The following CENPC variants were observed in gnomAD, a reference collection of about 807,000 sequenced individuals.
CENPC encodes the protein centromere protein C.
A neutral mutation model predicts 112.1 loss-of-function variants in CENPC; 63 were observed. The observed-to-expected ratio is 0.56, with a 90% CI of 0.46 to 0.69. The LOEUF is 0.69. Among genes scored for constraint, CENPC ranks in the 30% least tolerant of loss-of-function variants. The pLI, the probability that CENPC is intolerant of heterozygous loss-of-function variation, is 0.00. For missense variants in CENPC, 1,000 were observed against 1,103.8 expected (o/e 0.91, Z 1.33); for synonymous variants, 333 against 367.6 (o/e 0.91, Z 1.08).
intron 5 of CENPC, among the ~76,000 whole-genome samples, chr4:67,528,139 C>T (rs1183375962): frequency 1.3e-5 from 2 of 151,658 alleles, no homozygotes; most frequent in Non-Finnish European, 2.9e-5. Flanking sequence ...TTTTAAAAAC[C>T]TTGGTAAGTG....
intron 12 of CENPC, among the ~76,000 whole-genome samples, chr4:67,498,983 C>G (rs1027686014): frequency 6.6e-6 from 1 of 152,306 alleles, no homozygotes; most frequent in South Asian, 2.1e-4. Context: ...CAAATTATTC[C>G]TTGATCCATG....
At chr4:67,540,949 C>T in intron 3 of CENPC, 31 bp downstream of exon 3, 1 of 1,456,878 alleles carries the variant, frequency 6.9e-7, no homozygotes, top group Non-Finnish European at 9.5e-7. Flanking sequence ...TCCATCTAAC[C>T]CTTAAATTCC....
chr4:67,538,047 T>C (rs918250515), intron 4 of CENPC, among the ~76,000 whole-genome samples: 5 of 152,132 alleles, frequency 3.3e-5, no homozygotes, highest in Admixed American at 6.5e-5. Context: ...AAAACTCCTA[T>C]GAATTCCATC....
At chr4:67,496,516 A>G (rs724199) in intron 12 of CENPC, among the ~76,000 whole-genome samples, 96,068 of 152,034 alleles carry the variant, frequency 0.63, 30,612 homozygotes, top group East Asian at 0.81. Flanking sequence ...CCTAAAAAGC[A>G]GGTCTGAGCT....
At chr4:67,535,131 G>A (rs2109830466) in intron 4 of CENPC, among the ~76,000 whole-genome samples, 1 of 152,126 alleles carries the variant, frequency 6.6e-6, no homozygotes, top group East Asian at 1.9e-4. Context: ...GACTAAAAGG[G>A]AGGCTTGATA....
chr4:67,472,807 C>G, intron 18 of CENPC, 132 bp from the exon 19 acceptor site: 1 of 1,072,572 alleles, frequency 9.3e-7, no homozygotes, highest in Middle Eastern at 2.8e-4. Context: ...CCTAAAGTAA[C>G]TTATTTAATT....
At chr4:67,508,458 G>A (rs188772861) in intron 10 of CENPC, among the ~76,000 whole-genome samples, 15 of 138,414 alleles carry the variant, frequency 1.1e-4, no homozygotes, top group Admixed American at 5.7e-4. Context: ...GTTACAGTGG[G>A]CTATGATCAC....
rs777200134 is a variant in CENPC at position 67,514,454 on chromosome 4, G to C, written c.1064C>G (p.Pro355Arg). Reference protein sequence around the residue: ...KSREKHHNILPKTLANDKHSH... With the variant: ...KSREKHHNILRKTLANDKHSH... The stretch of plus-strand genomic sequence containing the variant: ...ATGTTTGTCATTTGCCAAAGTCTTA[G>C]GTAATATATTATGATGCTTTTCTCT... Residue 355 changes from proline (P) to arginine (R), a missense_variant, in exon 8 of 19, where the codon CCT becomes CGT. By Grantham distance (103) the Pro-to-Arg change is moderately radical (BLOSUM62 -2). Transcript: ENST00000273853. 1 of 1,613,568 alleles carries C rather than the reference G, an allele frequency of 6.2e-7. No individual in the cohort carries two copies. The highest frequency in any genetic ancestry group is 1.1e-5 in the South Asian group (1 of 91,062).
intron 17 of CENPC, among the ~76,000 whole-genome samples, chr4:67,486,544 G>A (rs186873782): frequency 1.1e-4 from 17 of 152,216 alleles, no homozygotes; most frequent in African/African-American, 3.1e-4. Flanking sequence ...CAATATTAGC[G>A]GTTCTCAATC....
intron 12 of CENPC, among the ~76,000 whole-genome samples, chr4:67,497,191 A>G (rs1422648327): frequency 6.6e-6 from 1 of 152,000 alleles, no homozygotes; most frequent in African/African-American, 2.4e-5. Context: ...CAGCCTTACC[A>G]ACATGGTGAA....
At chr4:67,482,921 CCCA>C (rs1724992695) in intron 17 of CENPC, among the ~76,000 whole-genome samples, 1 of 150,708 alleles carries the variant, frequency 6.6e-6, no homozygotes, top group African/African-American at 2.4e-5. Flanking sequence ...TGCCATAATC[CCCA>C]CATGTCATGG....
At chr4:67,519,597 A>C in intron 5 of CENPC, 95 bp from the exon 6 acceptor site, 1 of 858,928 alleles carries the variant, frequency 1.2e-6, no homozygotes. Flanking sequence ...TTAATCAGAA[A>C]TAGTTTTCAG....
chr4:67,526,147 C>G (rs1726369551), intron 5 of CENPC, among the ~76,000 whole-genome samples: 1 of 151,892 alleles, frequency 6.6e-6, no homozygotes, highest in African/African-American at 2.4e-5. Context: ...AGGGAAACAT[C>G]ACACACCAGG....
chr4:67,481,128 T>C (rs1272719535), intron 17 of CENPC, among the ~76,000 whole-genome samples: 1 of 152,140 alleles, frequency 6.6e-6, no homozygotes, highest in Non-Finnish European at 1.5e-5. Flanking sequence ...CACAAATCAA[T>C]AGCTCTGCTA....
intron 17 of CENPC, among the ~76,000 whole-genome samples, chr4:67,483,840 C>T (rs545259153): frequency 1.3e-5 from 2 of 151,802 alleles, no homozygotes; most frequent in South Asian, 4.2e-4. Flanking sequence ...TTTGTACAGC[C>T]AAACAGTATG....
intron 17 of CENPC, among the ~76,000 whole-genome samples, chr4:67,482,005 CA>C (rs1724971421): frequency 1.3e-5 from 2 of 152,088 alleles, no homozygotes; most frequent in African/African-American, 4.8e-5. Flanking sequence ...AAAATATTCA[CA>C]AACTGTCTGT....
chr4:67,514,593 C>A lies in CENPC; in HGVS notation c.925G>T (p.Asp309Tyr), dbSNP rs1445788135. ...CAAGATCTACTGGCAAAACTTTGAT[C>A]CGACTCATCAATTATAAATTCATCC... The part of the protein sequence containing the change: ...IEDEFIIDES[D>Y]QSFASRSWIT... Residue 309 changes from aspartate (D) to tyrosine (Y), a missense_variant, in exon 8 of 19, where the codon GAT becomes TAT. Asp to Tyr is a radical substitution (Grantham distance 160). Transcript: ENST00000273853. The A allele has an allele frequency of 6.2e-7, 1 of 1,608,246 alleles. No homozygotes were observed. The highest frequency in any genetic ancestry group is 1.7e-5 in the Admixed American group (1 of 59,192).
intron 6 of CENPC, among the ~76,000 whole-genome samples, 174 bp from the exon 7 acceptor site, chr4:67,518,542 A>G (rs913097298): frequency 6.6e-6 from 1 of 152,218 alleles, no homozygotes; most frequent in Non-Finnish European, 1.5e-5. Context: ...TAAACTGCTC[A>G]GGAAAATTAA....
chr4:67,493,104 T>C, intron 14 of CENPC, 107 bp from the exon 15 acceptor site: 2 of 863,598 alleles, frequency 2.3e-6, no homozygotes, highest in Non-Finnish European at 3.5e-6. Context: ...CCAAAGAATA[T>C]ATGTCTGCAG....
Sources: allele counts gnomAD v4.1 joint callset (sites outside exome capture counted in the v4.1 genomes callset), GRCh38; gene constraint gnomAD v4.1.1; transcripts MANE v1.5; gene names NCBI Gene and HGNC (gene_info 2026-07-23, HGNC 2026-07-21).